Variants in GRM5 observed in about 807,000 individuals in gnomAD.
The protein encoded by GRM5 is metabotropic glutamate receptor 5.
GRM5 carries 19 observed loss-of-function variants against 83.1 expected under a neutral mutation model. The ratio of observed to expected loss-of-function variants is 0.23; its 90% CI spans 0.16 to 0.34. GRM5 has a LOEUF of 0.34. Ranked by LOEUF, GRM5 falls within the 10% of genes least tolerant of loss-of-function variation. The pLI is 1.00. For synonymous variants in GRM5, 675 were observed against 633.6 expected, an observed-to-expected ratio of 1.07 and a Z score of -0.98; for missense variants, 1,160 against 1,588.3, an observed-to-expected ratio of 0.73 and a Z score of 4.58.
At chr11:88,807,010 A>C (rs764961236) in intron 3 of GRM5, among the ~76,000 whole-genome samples, 4 of 152,174 alleles carry the variant, frequency 2.6e-5, no homozygotes, top group Non-Finnish European at 5.9e-5. Flanking sequence ...TGCCCAGGCA[A>C]AACAAGGTTT....
At chr11:88,986,398 G>C (rs1939711417) in intron 2 of GRM5, among the ~76,000 whole-genome samples, 1 of 152,158 alleles carries the variant, frequency 6.6e-6, no homozygotes, top group Non-Finnish European at 1.5e-5. Flanking sequence ...TTTCCTAGTG[G>C]TGATGGAACA....
At chr11:89,064,453 G>C (rs1370328100) in intron 1 of GRM5, among the ~76,000 whole-genome samples, 2 of 152,142 alleles carry the variant, frequency 1.3e-5, no homozygotes, top group Admixed American at 6.5e-5. Flanking sequence ...AGACCTCTCA[G>C]CATGCATTAT....
At chr11:88,650,957 C>T (rs1052775449) in intron 4 of GRM5, among the ~76,000 whole-genome samples, 1 of 151,834 alleles carries the variant, frequency 6.6e-6, no homozygotes, top group Non-Finnish European at 1.5e-5. Flanking sequence ...AGAGGCAGTA[C>T]ATATAAAGTG....
At chr11:88,730,766 G>A (rs535835779) in intron 3 of GRM5, among the ~76,000 whole-genome samples, 1 of 152,122 alleles carries the variant, frequency 6.6e-6, no homozygotes, top group Non-Finnish European at 1.5e-5. Flanking sequence ...ACGAACACAC[G>A]AACAGAAAAC....
intron 3 of GRM5, among the ~76,000 whole-genome samples, chr11:88,818,212 A>C (rs1943724657): frequency 6.6e-6 from 1 of 152,126 alleles, no homozygotes; most frequent in Admixed American, 6.5e-5. Context: ...GGACAGATGA[A>C]ATTTTATATG....
chr11:88,906,292 A>T (rs11021666), intron 2 of GRM5, among the ~76,000 whole-genome samples: 2,979 of 152,302 alleles, frequency 0.02, 47 homozygotes, highest in East Asian at 0.067. Context: ...AACTAAAACA[A>T]GAGTGTTCCT....
At chr11:88,838,886 C>CACACAG (rs1163836401) in intron 3 of GRM5, among the ~76,000 whole-genome samples, 2 of 151,530 alleles carry the variant, frequency 1.3e-5, no homozygotes, top group Non-Finnish European at 2.9e-5. Flanking sequence ...CACACACACA[C>CACACAG]ACACACACAC....
chr11:88,559,119 A>C (rs960542148), intron 8 of GRM5, among the ~76,000 whole-genome samples: 1 of 152,180 alleles, frequency 6.6e-6, no homozygotes, highest in African/African-American at 2.4e-5. Flanking sequence ...ATATTTGAAA[A>C]TCACCACCAA....
At chr11:88,852,616 G>A (rs1341838911) in intron 2 of GRM5, among the ~76,000 whole-genome samples, 2 of 151,974 alleles carry the variant, frequency 1.3e-5, no homozygotes, top group East Asian at 3.9e-4. Flanking sequence ...ATTAAAAAAG[G>A]CAGGGGGTAT....
chr11:88,562,783 A>G (rs1942787308), intron 8 of GRM5, among the ~76,000 whole-genome samples: 1 of 151,866 alleles, frequency 6.6e-6, no homozygotes, highest in Non-Finnish European at 1.5e-5. Context: ...TTCCATTTCC[A>G]TGATAGAGAT....
chr11:88,718,843 T>A (rs2135392190), intron 3 of GRM5, among the ~76,000 whole-genome samples: 1 of 152,104 alleles, frequency 6.6e-6, no homozygotes, highest in Non-Finnish European at 1.5e-5. Context: ...CAACTGAACA[T>A]GCACGTGGAA....
chr11:88,894,191 G>A (rs557792655), intron 2 of GRM5, among the ~76,000 whole-genome samples: 1 of 151,916 alleles, frequency 6.6e-6, no homozygotes, highest in Non-Finnish European at 1.5e-5. Context: ...GGGGAGACCA[G>A]ACTTCCCTGT....
chr11:89,062,037 A>G (rs2135174306), intron 1 of GRM5, among the ~76,000 whole-genome samples: 1 of 152,320 alleles, frequency 6.6e-6, no homozygotes, highest in African/African-American at 2.4e-5. Context: ...TGCTGACAAG[A>G]TTTCACAGGG....
intron 7 of GRM5, among the ~76,000 whole-genome samples, chr11:88,571,684 G>A (rs1470881268): frequency 6.6e-6 from 1 of 152,146 alleles, no homozygotes; most frequent in African/African-American, 2.4e-5. Flanking sequence ...TTTAACCTTA[G>A]AGATTATCAA....
chr11:88,661,089 T>C (rs1939892839), intron 3 of GRM5, among the ~76,000 whole-genome samples: 1 of 152,190 alleles, frequency 6.6e-6, no homozygotes, highest in African/African-American at 2.4e-5. Context: ...GCTTTTAGTT[T>C]TGCAATTGTC....
chr11:88,648,932 T>TTACAGGCCCGTAGAA (rs1939544724), intron 4 of GRM5, among the ~76,000 whole-genome samples: 1 of 149,138 alleles, frequency 6.7e-6, no homozygotes, highest in African/African-American at 2.5e-5. Context: ...GAGGAAATTT[T>TTACAGGCCCGTAGAA]TAAACTGATG....
At position 88,509,171 on chromosome 11, in the gene GRM5, C is replaced by T. The variant is rs1293988830; in HGVS notation, c.3060G>A (p.Ser1020=). 1.5e-5 allele frequency: 23 copies of T among 1,536,290 alleles called. No individual in the cohort carries two copies. The Middle Eastern group carries it at 1.1e-3, about 71-fold the overall frequency. The change falls in exon 10 of 10, where the codon TCG becomes TCA. Residue 1020 remains serine (S), a synonymous_variant. Coordinates refer to ENST00000305447, the MANE Select transcript of GRM5 (RefSeq NM_001143831.3). ...CGCGGTGGCTCAGCGTGCTGATGGGCGACGGTGAGCGCGGCCGCGCGGGCG... is the reference window on the plus strand; with the variant it reads ...CGCGGTGGCTCAGCGTGCTGATGGGTGACGGTGAGCGCGGCCGCGCGGGCG... ...FPAPARPRSP[S]PISTLSHRAG... is the part of the protein sequence containing the mutation.
chr11:88,993,763 C>T (rs942136137), intron 2 of GRM5, among the ~76,000 whole-genome samples: 1 of 152,070 alleles, frequency 6.6e-6, no homozygotes, highest in Non-Finnish European at 1.5e-5. Context: ...ACTCTGTTGT[C>T]CAGGCTGGAG....
chr11:88,679,584 A>T lies in GRM5; in HGVS notation c.912-26181T>A, dbSNP rs573786479. 1.2e-4 allele frequency among the ~76,000 whole-genome samples: 19 copies of T among 152,212 alleles called. No homozygotes were observed. The South Asian group carries it at 3.7e-3, about 30-fold the overall frequency. On this transcript the variant is annotated intron_variant, in intron 3 of 9. Transcript: ENST00000305447. ...TATTTGGATTTTATTGCCTTGTATT[A>T]CTAGAAAGTTGACTCAAAGTTAGCT...
Sources: gnomAD v4.1 joint callset for allele counts (sites outside exome capture counted in the v4.1 genomes callset) on GRCh38, gnomAD v4.1.1 for gene constraint, MANE v1.5 for transcripts, NCBI Gene and HGNC (gene_info 2026-07-23, HGNC 2026-07-21) for gene names.